ESR1: variants seen among roughly 807,000 people sequenced by gnomAD.
ESR1 encodes the protein estrogen receptor 1, also known as estrogen receptor.
Under a neutral mutation model 52.7 loss-of-function variants are expected in ESR1, and 12 were observed. The ratio of observed to expected loss-of-function variants is 0.23; its 90% CI spans 0.15 to 0.37. The LOEUF (loss-of-function observed/expected upper bound fraction) is 0.37, where lower values mean the gene tolerates loss of function less well. ESR1 is among the 10% of genes least tolerant of loss of function. ESR1 has a pLI of 1.00. For synonymous variants in ESR1, 305 were observed against 316.8 expected (o/e 0.96, Z 0.39); for missense variants, 584 against 779.7 (o/e 0.75, Z 2.99).
At position 151,745,531 on chromosome 6, in the gene ESR1, G is replaced by A. The variant is rs530797653; in HGVS notation, c.-71+43526G>A. ...GGGTAGACTAACATTCACAAATTAT[G>A]ACATATATCATATAATCATAATCAT... is the stretch of plus-strand genomic sequence containing the variant. On this transcript the variant is annotated intron_variant, in intron 2 of 2. Transcript: ENST00000404742. Among the ~76,000 whole-genome samples, 3 of 152,152 alleles carry A rather than the reference G, an allele frequency of 2.0e-5. No homozygotes were observed. The South Asian group carries it at 6.2e-4, about 32-fold the overall frequency.
intron 3 of ESR1, among the ~76,000 whole-genome samples, chr6:151,929,033 T>C (rs1246819809): frequency 6.6e-6 from 1 of 152,202 alleles, no homozygotes; most frequent in Non-Finnish European, 1.5e-5. Flanking sequence ...TATTAAGTTG[T>C]GGTTTGATGG....
intron 6 of ESR1, among the ~76,000 whole-genome samples, chr6:152,108,402 A>G (rs2051093256): frequency 6.6e-6 from 1 of 152,266 alleles, no homozygotes; most frequent in Non-Finnish European, 1.5e-5. Context: ...ATTTTTCAAT[A>G]TAAACATTTC....
intron 2 of ESR1, among the ~76,000 whole-genome samples, chr6:151,878,320 C>T (rs1034498781): frequency 1.3e-5 from 2 of 152,176 alleles, no homozygotes; most frequent in Non-Finnish European, 2.9e-5. Flanking sequence ...AAAATAATAA[C>T]TGTGTCTGGA....
chr6:151,717,105 G>C (rs6932703), intron 2 of ESR1, among the ~76,000 whole-genome samples: 1 of 151,990 alleles, frequency 6.6e-6, no homozygotes, highest in Non-Finnish European at 1.5e-5. Flanking sequence ...CCTTGGCTAG[G>C]GGAGGGAGTT....
chr6:152,128,113 T>G (rs1165551343), exon 7 of ESR1: 1 of 152,222 alleles, frequency 6.6e-6, no homozygotes, highest in Non-Finnish European at 1.5e-5. Context: ...AGCTGTCAAT[T>G]TCAACTCAGT....
chr6:151,911,338 A>T (rs1562539160), intron 3 of ESR1, among the ~76,000 whole-genome samples: 1 of 152,180 alleles, frequency 6.6e-6, no homozygotes, highest in Non-Finnish European at 1.5e-5. Flanking sequence ...TTAGTCTCAG[A>T]TATTTTGATA....
At chr6:152,063,683 C>T (rs1041421256) in intron 6 of ESR1, among the ~76,000 whole-genome samples, 2 of 152,132 alleles carry the variant, frequency 1.3e-5, no homozygotes, top group African/African-American at 2.4e-5. Flanking sequence ...GGCCCTGATA[C>T]GGGGCAGCTC....
At chr6:152,085,045 G>T (rs765738315) in intron 6 of ESR1, among the ~76,000 whole-genome samples, 32 of 152,202 alleles carry the variant, frequency 2.1e-4, no homozygotes, top group Non-Finnish European at 4.1e-4. Context: ...GGGGCAGGAA[G>T]CATTGAAATT....
chr6:151,670,205 C>A (rs971814729), intron 1 of ESR1, among the ~76,000 whole-genome samples: 13 of 152,196 alleles, frequency 8.5e-5, no homozygotes, highest in Non-Finnish European at 1.8e-4. Flanking sequence ...TATCTTCCTG[C>A]AGAGCCCTTC....
chr6:151,999,023 G>A (rs919545849), intron 4 of ESR1, among the ~76,000 whole-genome samples: 2 of 152,018 alleles, frequency 1.3e-5, no homozygotes, highest in Non-Finnish European at 2.9e-5. Context: ...TTGTATCAGC[G>A]TCAATGTCTG....
intron 2 of ESR1, among the ~76,000 whole-genome samples, chr6:151,718,064 A>ATGAATGAATAAG (rs1421543434): frequency 6.6e-6 from 1 of 152,216 alleles, no homozygotes; most frequent in Non-Finnish European, 1.5e-5. Context: ...CATCTGATGA[A>ATGAATGAATAAG]TGAATGAATA....
At chr6:151,903,698 C>T (rs7740328) in intron 3 of ESR1, among the ~76,000 whole-genome samples, 4 of 152,178 alleles carry the variant, frequency 2.6e-5, no homozygotes, top group Non-Finnish European at 5.9e-5. Context: ...GCACCCCTGC[C>T]GGTGAGCCCC....
At chr6:151,693,186 A>G (rs957429324) in intron 1 of ESR1, among the ~76,000 whole-genome samples, 1 of 152,224 alleles carries the variant, frequency 6.6e-6, no homozygotes, top group African/African-American at 2.4e-5. Flanking sequence ...TTAGAAACTC[A>G]GTATGAGGAA....
intron 6 of ESR1, among the ~76,000 whole-genome samples, chr6:152,085,447 C>A: frequency 6.6e-6 from 1 of 152,084 alleles, no homozygotes; most frequent in East Asian, 1.9e-4. Context: ...TTGGATAAGA[C>A]ACAGAGGGAA....
intron 4 of ESR1, among the ~76,000 whole-genome samples, chr6:152,010,895 TTCC>T (rs1174192034): frequency 1.2e-4 from 18 of 148,620 alleles, no homozygotes; most frequent in East Asian, 2.2e-4. Context: ...CTTCTTCTTC[TTCC>T]TCCTCCTCCT....
chr6:151,662,787 G>T (rs576981791), intron 1 of ESR1, among the ~76,000 whole-genome samples: 1 of 152,338 alleles, frequency 6.6e-6, no homozygotes, highest in East Asian at 1.9e-4. Flanking sequence ...TAGTGGCAAA[G>T]AAGAGTTTTC....
At chr6:151,947,251 A>C (rs1442846009) in intron 4 of ESR1, among the ~76,000 whole-genome samples, 2 of 152,166 alleles carry the variant, frequency 1.3e-5, no homozygotes, top group East Asian at 3.9e-4. Flanking sequence ...CCTGGGAGGC[A>C]GAGACTGCAG....
chr6:151,999,386 T>C (rs982498683), intron 4 of ESR1, among the ~76,000 whole-genome samples: 5 of 152,250 alleles, frequency 3.3e-5, no homozygotes, highest in Non-Finnish European at 1.5e-5. Flanking sequence ...TGAGTCATCA[T>C]CGACAGTGAG....
intron 3 of ESR1, among the ~76,000 whole-genome samples, chr6:151,915,544 T>G (rs1036326541): frequency 2.0e-5 from 3 of 152,170 alleles, no homozygotes; most frequent in Non-Finnish European, 1.5e-5. Context: ...TGGATACAGG[T>G]GTAATACATA....
Sources: gnomAD v4.1 joint callset for allele counts (sites outside exome capture counted in the v4.1 genomes callset) on GRCh38, gnomAD v4.1.1 for gene constraint, MANE v1.5 for transcripts, NCBI Gene and HGNC (gene_info 2026-07-23, HGNC 2026-07-21) for gene names.